Variants in ADAM23 observed in about 807,000 individuals in gnomAD.
The protein encoded by ADAM23 is disintegrin and metalloproteinase domain-containing protein 23.
In ADAM23, 33 loss-of-function variants were observed where a neutral mutation model predicts 120.1. The ratio of observed to expected loss-of-function variants is 0.27; its 90% CI spans 0.21 to 0.37. The LOEUF is 0.37. Ranked by LOEUF, ADAM23 falls within the 10% of genes least tolerant of loss-of-function variation. ADAM23 has a pLI of 1.00. For synonymous variants in ADAM23, 367 were observed against 375.2 expected (o/e 0.98, Z 0.25); for missense variants, 862 against 1,058.2 (o/e 0.81, Z 2.57).
chr2:206,617,296 T>TGGGCCG (rs1698952180), intron 25 of ADAM23, among the ~76,000 whole-genome samples: 1 of 152,192 alleles, frequency 6.6e-6, no homozygotes, highest in Non-Finnish European at 1.5e-5. Context: ...AGAGACAAAT[T>TGGGCCG]GGGCCGCAGA....
chr2:206,520,551 G>A (rs1360172790), intron 3 of ADAM23, among the ~76,000 whole-genome samples: 1 of 151,980 alleles, frequency 6.6e-6, no homozygotes, highest in South Asian at 2.1e-4. Flanking sequence ...CTCTCACTCA[G>A]TATCTTCGGC....
chr2:206,596,009 A>G (rs1288488647), intron 23 of ADAM23, 42 bp from the exon 24 acceptor site: 16 of 1,483,984 alleles, frequency 1.1e-5, no homozygotes, highest in Non-Finnish European at 1.4e-5. Context: ...TTATTCTACA[A>G]AATACAGTGA....
In ADAM23 at chr2:206,443,995, CTGCCGCCT is replaced by C; in HGVS notation, c.130_137del (p.Cys44AlafsTer31). The C allele has an allele frequency of 7.1e-7, 1 of 1,400,140 alleles. No individual in the cohort carries two copies. Among genetic ancestry groups the C allele is most frequent in the Non-Finnish European group, 9.3e-7 (1 of 1,073,156 alleles). The allele number at this position is 1,400,140 out of a possible 1,614,324, so 86.7% of individuals were successfully genotyped here. On this transcript the variant is annotated frameshift_variant, in exon 1 of 26. Transcript: ENST00000264377. LOFTEE classifies it high-confidence loss of function. ...CCAGCGCCCCGGCCCGCACGCCGCC[CTGCCGCCT>C]GCTTCTCGTCCTTCTCCTGCTGCCT...
chr2:206,509,403 C>T (rs1226124728), intron 3 of ADAM23, among the ~76,000 whole-genome samples: 2 of 151,958 alleles, frequency 1.3e-5, no homozygotes, highest in South Asian at 2.1e-4. Flanking sequence ...AATTTGAATA[C>T]AATATTAAAT....
At chr2:206,445,610 A>T (rs1038180919) in intron 2 of ADAM23, 86 bp downstream of exon 2, 2 of 1,144,306 alleles carry the variant, frequency 1.7e-6, no homozygotes, top group African/African-American at 3.1e-5. Flanking sequence ...GAGTTCACAA[A>T]TTTTACTGCA....
rs1699032728 is a variant in ADAM23, at chr2:206,620,431, A to T, written c.*2804A>T. 1 of 152,228 alleles carries T rather than the reference A, an allele frequency of 6.6e-6. No homozygotes were observed. The highest frequency in any genetic ancestry group is 1.5e-5 in the Non-Finnish European group (1 of 68,042). The allele number at this position is 152,228 out of a possible 1,614,324, so 9.4% of individuals were successfully genotyped here. A position where few individuals can be genotyped will look rare whatever the true frequency, so the allele number is the denominator to read the frequency against. Reference sequence around the variant, plus strand: ...ACCATATCAATTGTAAAAATGGATTATAATTATTTTTGATGGTATTAGGTT... The same window carrying T: ...ACCATATCAATTGTAAAAATGGATTTTAATTATTTTTGATGGTATTAGGTT... On this transcript the variant is annotated 3_prime_UTR_variant, in exon 26 of 26. Transcript: ENST00000264377.
rs1185777906 is a variant in ADAM23 at position 206,570,869 on chromosome 2, A to G, written c.1566+58A>G. On this transcript the variant is annotated intron_variant, in intron 16 of 25. Transcript: ENST00000264377. Reference sequence around the variant, plus strand: ...CAGATCTTACTTGGTGCAAACAGGTATAGCATTTGTGAGAGGCCAGCACAT... The same window carrying G: ...CAGATCTTACTTGGTGCAAACAGGTGTAGCATTTGTGAGAGGCCAGCACAT... The G allele has an allele frequency of 3.4e-6, 5 of 1,482,050 alleles. No individual in the cohort carries two copies. In the South Asian group the frequency reaches 3.4e-5, roughly 10 times the overall value. 91.8% of individuals were successfully genotyped at this position (1,482,050 alleles called of 1,614,324 possible).
chr2:206,589,739 A>G (rs1574552579), intron 21 of ADAM23, among the ~76,000 whole-genome samples: 1 of 152,264 alleles, frequency 6.6e-6, no homozygotes, highest in Non-Finnish European at 1.5e-5. Context: ...AATTCAGAAA[A>G]TTTCTCAGGT....
chr2:206,571,927 A>G, intron 17 of ADAM23, 111 bp downstream of exon 17: 3 of 869,112 alleles, frequency 3.5e-6, no homozygotes, highest in Middle Eastern at 2.4e-4. Flanking sequence ...GGTACAGTGT[A>G]CATATTAGCC....
chr2:206,476,045 A>G (rs1407358825), intron 2 of ADAM23, among the ~76,000 whole-genome samples: 2 of 152,228 alleles, frequency 1.3e-5, no homozygotes, highest in Non-Finnish European at 2.9e-5. Context: ...TAGAATAAAC[A>G]GAGAAGACAG....
At chr2:206,518,071 A>G (rs1045029040) in intron 3 of ADAM23, among the ~76,000 whole-genome samples, 46 of 152,178 alleles carry the variant, frequency 3.0e-4, no homozygotes, top group African/African-American at 1.1e-3. Context: ...ATTTAAGACC[A>G]TTTAATGAAA....
chr2:206,512,022 C>G (rs1413565403), intron 3 of ADAM23, among the ~76,000 whole-genome samples: 3 of 152,124 alleles, frequency 2.0e-5, no homozygotes, highest in Admixed American at 2.0e-4. Flanking sequence ...GGAACATTCA[C>G]TGAGGTATTC....
chr2:206,538,748 T>G (rs1697232275), intron 4 of ADAM23, among the ~76,000 whole-genome samples: 1 of 152,154 alleles, frequency 6.6e-6, no homozygotes, highest in African/African-American at 2.4e-5. Flanking sequence ...ATCAAACAGT[T>G]CCTGTTGTTA....
In ADAM23 at chr2:206,548,334, AGAAG is replaced by A; in HGVS notation, c.852_855del (p.Lys285GlufsTer3). On this transcript the variant is annotated frameshift_variant, in exon 8 of 26. Transcript: ENST00000264377. LOFTEE classifies it high-confidence loss of function. ...TCTCTCTGAATTACAGTGGTTGAAA[AGAAG>A]GAAGAGAGCAGTGAATGTGAGTGTG... 1 of 1,610,458 alleles carries A rather than the reference AGAAG, an allele frequency of 6.2e-7. No homozygotes were observed. The highest frequency in any genetic ancestry group is 8.5e-7 in the Non-Finnish European group (1 of 1,179,944).
chr2:206,496,745 A>G (rs1696257629), intron 3 of ADAM23, among the ~76,000 whole-genome samples: 1 of 152,366 alleles, frequency 6.6e-6, no homozygotes, highest in Non-Finnish European at 1.5e-5. Context: ...CAAAATTGAT[A>G]GACTGCTAGC....
rs1217877373 is a variant in ADAM23 at position 206,484,767 on chromosome 2, T to A, written c.509+3459T>A. 2.0e-5 allele frequency among the ~76,000 whole-genome samples: 3 copies of A among 152,206 alleles called. No homozygotes were observed. The East Asian group carries it at 5.8e-4, about 29-fold the overall frequency. On this transcript the variant is annotated intron_variant, in intron 3 of 25. Transcript: ENST00000264377. ...TTTGGCTGTGTCCCTACCCAAATCTTACTTTGAATTGTAGCTTTCATAATC... is the reference window on the plus strand; with the variant it reads ...TTTGGCTGTGTCCCTACCCAAATCTAACTTTGAATTGTAGCTTTCATAATC...
At chr2:206,603,129 A>T (rs1270177017) in intron 24 of ADAM23, among the ~76,000 whole-genome samples, 1 of 152,230 alleles carries the variant, frequency 6.6e-6, no homozygotes, top group East Asian at 1.9e-4. Flanking sequence ...AAAGGTATTT[A>T]GTAGGTAATG....
At chr2:206,495,319 A>G (rs983842172) in intron 3 of ADAM23, among the ~76,000 whole-genome samples, 4 of 152,228 alleles carry the variant, frequency 2.6e-5, no homozygotes, top group Non-Finnish European at 4.4e-5. Flanking sequence ...AAACTCTACA[A>G]GCCAGAAGAG....
intron 3 of ADAM23, among the ~76,000 whole-genome samples, chr2:206,524,985 G>A (rs897418145): frequency 2.6e-5 from 4 of 152,118 alleles, no homozygotes; most frequent in African/African-American, 7.2e-5. Context: ...TGTAGAACTC[G>A]ATGTGTATAC....
Sources: allele counts gnomAD v4.1 joint callset (sites outside exome capture counted in the v4.1 genomes callset), GRCh38; gene constraint gnomAD v4.1.1; transcripts MANE v1.5; gene names NCBI Gene and HGNC (gene_info 2026-07-23, HGNC 2026-07-21).